Variants in RPS6KC1 observed in about 807,000 individuals in gnomAD.
RPS6KC1 encodes inactive ribosomal protein S6 kinase delta-1.
Under a neutral mutation model 103.8 loss-of-function variants are expected in RPS6KC1, and 54 were observed. The ratio of observed to expected loss-of-function variants is 0.52; its 90% CI spans 0.42 to 0.65. The LOEUF is 0.65. RPS6KC1 is among the 30% of genes least tolerant of loss of function. RPS6KC1 has a pLI of 0.00. For synonymous variants in RPS6KC1, 439 were observed against 438.7 expected (o/e 1.00, Z -0.01); for missense variants, 1,151 against 1,253.8 (o/e 0.92, Z 1.24).
the RPS6KC1 span, among the ~76,000 whole-genome samples, chr1:213,833,158 G>T: frequency 2.0e-5 from 3 of 152,282 alleles, no homozygotes; most frequent in South Asian, 6.2e-4. Flanking sequence ...ACCCCAGAAT[G>T]GGAAATTGTG....
chr1:213,306,371 GTAAT>G, the RPS6KC1 span, among the ~76,000 whole-genome samples: 74 of 152,182 alleles, frequency 4.9e-4, no homozygotes, highest in African/African-American at 1.7e-3. Flanking sequence ...TCCAAACACA[GTAAT>G]TAGAGAAAAA....
the RPS6KC1 span, among the ~76,000 whole-genome samples, chr1:213,792,368 G>C: frequency 2.0e-5 from 3 of 152,152 alleles, no homozygotes; most frequent in African/African-American, 7.2e-5. Context: ...GTCGGTCACT[G>C]TCACCTGGTC....
At chr1:213,510,107 G>A in the RPS6KC1 span, among the ~76,000 whole-genome samples, 4 of 152,148 alleles carry the variant, frequency 2.6e-5, no homozygotes, top group Non-Finnish European at 5.9e-5. Flanking sequence ...ATTGCTGAGG[G>A]GATGGTGGAA....
At chr1:213,657,426 TA>T in the RPS6KC1 span, among the ~76,000 whole-genome samples, 132 of 151,860 alleles carry the variant, frequency 8.7e-4, no homozygotes, top group Middle Eastern at 3.4e-3. Flanking sequence ...TAGATGTAGC[TA>T]AAAAAAATAA....
the RPS6KC1 span, among the ~76,000 whole-genome samples, chr1:213,480,622 A>T: frequency 6.6e-6 from 1 of 152,122 alleles, no homozygotes; most frequent in Non-Finnish European, 1.5e-5. Flanking sequence ...TCTTGATCTG[A>T]TAAAGGTCAT....
the RPS6KC1 span, among the ~76,000 whole-genome samples, chr1:213,561,933 C>T: frequency 0.79 from 120,285 of 152,090 alleles, 48,405 homozygotes; most frequent in East Asian, 0.98. Context: ...TTGTTGGGGG[C>T]ACAAGCCCAG....
intron 6 of RPS6KC1, among the ~76,000 whole-genome samples, chr1:213,139,568 G>A (rs1261851931): frequency 6.6e-6 from 1 of 152,034 alleles, no homozygotes; most frequent in Non-Finnish European, 1.5e-5. Flanking sequence ...ATGGTAGCCA[G>A]TTATCCCAGC....
the RPS6KC1 span, among the ~76,000 whole-genome samples, chr1:213,663,432 G>C: frequency 6.6e-6 from 1 of 152,152 alleles, no homozygotes; most frequent in African/African-American, 2.4e-5. Context: ...GAACTCATCA[G>C]GTTCCTGGGC....
the RPS6KC1 span, among the ~76,000 whole-genome samples, chr1:213,297,049 C>T: frequency 2.0e-5 from 3 of 152,170 alleles, no homozygotes; most frequent in Non-Finnish European, 4.4e-5. Context: ...CTGCTTGTCT[C>T]ACAAACCAAC....
chr1:213,323,662 C>T, the RPS6KC1 span, among the ~76,000 whole-genome samples: 2 of 152,090 alleles, frequency 1.3e-5, no homozygotes, highest in Non-Finnish European at 2.9e-5. Context: ...TTTCCTGGGG[C>T]CATTGAAAAC....
the RPS6KC1 span, among the ~76,000 whole-genome samples, chr1:213,844,670 A>G: frequency 7.2e-5 from 11 of 152,238 alleles, no homozygotes; most frequent in Admixed American, 4.6e-4. Context: ...ATCTGCTTGA[A>G]AATCACAGGC....
At chr1:213,800,160 G>A in the RPS6KC1 span, among the ~76,000 whole-genome samples, 770 of 152,248 alleles carry the variant, frequency 5.1e-3, 2 homozygotes, top group African/African-American at 0.017. Context: ...ATTTAGCAGG[G>A]TGGGGGTGAG....
chr1:213,154,221 G>A (rs1343945149), intron 6 of RPS6KC1, among the ~76,000 whole-genome samples: 1 of 152,212 alleles, frequency 6.6e-6, no homozygotes, highest in Non-Finnish European at 1.5e-5. Context: ...GCACAGTGCT[G>A]GGTCTTGTCC....
the RPS6KC1 span, among the ~76,000 whole-genome samples, chr1:213,576,424 A>G: frequency 6.7e-6 from 1 of 149,804 alleles, no homozygotes; most frequent in African/African-American, 2.5e-5. Context: ...TGACTTGAGC[A>G]AGTCTATTGG....
At chr1:213,388,259 G>T in the RPS6KC1 span, among the ~76,000 whole-genome samples, 9 of 152,216 alleles carry the variant, frequency 5.9e-5, no homozygotes. Flanking sequence ...GCCCTTGGAC[G>T]GGGGAAGTCA....
chr1:213,524,985 A>C, the RPS6KC1 span, among the ~76,000 whole-genome samples: 1 of 152,232 alleles, frequency 6.6e-6, no homozygotes, highest in Non-Finnish European at 1.5e-5. Flanking sequence ...CAAAATGTGG[A>C]TAACAAATCC....
At chr1:213,483,168 G>C in the RPS6KC1 span, among the ~76,000 whole-genome samples, 1 of 152,134 alleles carries the variant, frequency 6.6e-6, no homozygotes, top group Non-Finnish European at 1.5e-5. Flanking sequence ...GAGAAGTGCT[G>C]AGCAAAAGGG....
chr1:213,845,113 T>C, the RPS6KC1 span, among the ~76,000 whole-genome samples: 1 of 151,974 alleles, frequency 6.6e-6, no homozygotes, highest in Admixed American at 6.6e-5. Flanking sequence ...ATTCTTACAG[T>C]AAACCTCTTT....
intron 12 of RPS6KC1, among the ~76,000 whole-genome samples, chr1:213,261,106 GTC>G (rs958885020): frequency 4.6e-5 from 7 of 151,814 alleles, no homozygotes; most frequent in Non-Finnish European, 1.0e-4. Flanking sequence ...AAGGCATTTC[GTC>G]TCTCTGGTTT....
Sources: gnomAD v4.1 joint callset for allele counts (sites outside exome capture counted in the v4.1 genomes callset) on GRCh38, gnomAD v4.1.1 for gene constraint, MANE v1.5 for transcripts, NCBI Gene and HGNC (gene_info 2026-07-23, HGNC 2026-07-21) for gene names.